SMARCD3: variants seen among roughly 807,000 people sequenced by gnomAD.
The protein encoded by SMARCD3 is SWI/SNF-related matrix-associated actin-dependent regulator of chromatin subfamily D member 3.
A neutral mutation model predicts 58.0 loss-of-function variants in SMARCD3; 14 were observed. The ratio of observed to expected loss-of-function variants is 0.24; its 90% confidence interval spans 0.16 to 0.38. The LOEUF is 0.38. SMARCD3 is among the 10% of genes least tolerant of loss of function. SMARCD3 has a pLI of 1.00. For synonymous variants in SMARCD3, 253 were observed against 253.8 expected (o/e 1.00, Z 0.03); for missense variants, 408 against 636.9 (o/e 0.64, Z 3.87).
In SMARCD3 at chr7:151,239,229, A is replaced by G; in HGVS notation, c.1399-73T>C. 6.6e-7 allele frequency: 1 copy of G among 1,515,500 alleles called. No individual in the cohort carries two copies. Among genetic ancestry groups the G allele is most frequent in the Admixed American group, 1.7e-5 (1 of 59,824 alleles). 93.9% of individuals were successfully genotyped at this position (1,515,500 alleles called of 1,614,324 possible). A position where few individuals can be genotyped will look rare whatever the true frequency, so the allele number is the denominator to read the frequency against. ...GATCAGGACAATCCCACCTACTGAC[A>G]CCGCCTGCCCTGAAAGAGCATCTGG... is the stretch of plus-strand genomic sequence containing the variant. On this transcript the variant is annotated intron_variant, in intron 12 of 12. Transcript: ENST00000262188. The surrounding 1 kb of genome is among the most constrained non-coding windows in gnomAD (Gnocchi z 7.0).
Position 151,243,619 on chromosome 7 carries a change from G to C in SMARCD3, c.333+40C>G, listed in dbSNP as rs750320116. On this transcript the variant is annotated intron_variant, in intron 3 of 12. Transcript: ENST00000262188. The surrounding 1 kb of genome is among the most constrained non-coding windows in gnomAD (Gnocchi z 4.4). Reference sequence around the variant, plus strand: ...GGGAGGGGAGGGCGGAGCAGCAAAGGGTGGGGGGTGGGCTGGGGGCTGCTG... The same window carrying C: ...GGGAGGGGAGGGCGGAGCAGCAAAGCGTGGGGGGTGGGCTGGGGGCTGCTG... 1.8e-6 allele frequency: 2 copies of C among 1,127,910 alleles called. No individual in the cohort carries two copies. Among genetic ancestry groups the C allele is most frequent in the South Asian group, 2.5e-5 (2 of 81,388 alleles). 69.9% of individuals were successfully genotyped at this position (1,127,910 alleles called of 1,614,324 possible).
rs1441866562 is a variant in SMARCD3 at position 151,248,398 on chromosome 7, G to A, written c.78+87C>T. 2.6e-6 allele frequency: 3 copies of A among 1,161,922 alleles called. No homozygotes were observed. Among genetic ancestry groups the A allele is most frequent in the African/African-American group, 1.5e-5 (1 of 65,712 alleles). 72.0% of individuals were successfully genotyped at this position (1,161,922 alleles called of 1,614,324 possible). ...CCCCACTAGAGGGGTGGGAGAGCGG[G>A]AGCGCCCTCCCGGCCCCTCCCGATC... On this transcript the variant is annotated intron_variant, in intron 1 of 12. Transcript: ENST00000262188. This position sits in a 1 kb window ranked among gnomAD's most constrained non-coding sequence, Gnocchi z 6.1.
chr7:151,253,301 T>G (rs1371004558), upstream of SMARCD3, among the ~76,000 whole-genome samples: 1 of 151,880 alleles, frequency 6.6e-6, no homozygotes, highest in Non-Finnish European at 1.5e-5. Flanking sequence ...TCCCACTCAC[T>G]CCCTCCGTCC....
At chr7:151,273,594 C>G (rs1795245235) in intron 2 of SMARCD3, among the ~76,000 whole-genome samples, 1 of 152,190 alleles carries the variant, frequency 6.6e-6, no homozygotes, top group Admixed American at 6.5e-5. Flanking sequence ...AAACACCAAC[C>G]ACCACAAACT....
At chr7:151,260,457 C>CTT (rs757420793) in intron 2 of SMARCD3, among the ~76,000 whole-genome samples, 11 of 152,112 alleles carry the variant, frequency 7.2e-5, no homozygotes, top group African/African-American at 1.7e-4. Flanking sequence ...AGAAGGTTCC[C>CTT]TTTGTTACTG....
chr7:151,265,252 C>T (rs920324117), intron 2 of SMARCD3, among the ~76,000 whole-genome samples: 1 of 152,096 alleles, frequency 6.6e-6, no homozygotes, highest in African/African-American at 2.4e-5. Context: ...GACTGGTGTC[C>T]TTACAAGAAA....
At position 151,241,507 on chromosome 7, in the gene SMARCD3, G is replaced by C; in HGVS notation, c.924C>G (p.Asp308Glu). ...DSHDKEYING[D>E]KYFQQIFDCP... ...GAGAGGTTACCTGCTGGAAATACTT[G>C]TCCCCATTGATGTATTCCTTGTCAT... Residue 308 changes from aspartate to glutamate, a missense_variant, in exon 8 of 13, where the codon GAC becomes GAG. This residue lies in a region of SMARCD3 where 115 missense variants were observed against 257.2 expected (regional missense o/e 0.45). Coordinates refer to ENST00000262188, the MANE Select transcript of SMARCD3 (RefSeq NM_001003801.2). The surrounding 1 kb of genome is among the most constrained non-coding windows in gnomAD (Gnocchi z 5.3). 6.2e-7 allele frequency: 1 copy of C among 1,612,324 alleles called. No homozygotes were observed. The highest frequency in any genetic ancestry group is 1.1e-5 in the South Asian group (1 of 90,532).
chr7:151,265,776 A>G (rs887617458), intron 2 of SMARCD3, among the ~76,000 whole-genome samples: 1 of 152,186 alleles, frequency 6.6e-6, no homozygotes, highest in African/African-American at 2.4e-5. Flanking sequence ...GTGGGTATTT[A>G]TCATCTTACC....
At position 151,238,885 on chromosome 7, in the gene SMARCD3, C is replaced by T. The variant is rs1005453681; in HGVS notation, c.*218G>A. ...AATCCAAGGGAAGGGAATGGGGAGT[C>T]GTCCCGAGGGACCCACTGCCTCCCC... On this transcript the variant is annotated 3_prime_UTR_variant, in exon 13 of 13. Coordinates refer to ENST00000262188, the MANE Select transcript of SMARCD3 (RefSeq NM_001003801.2). 3 of 1,285,404 alleles carry T rather than the reference C, an allele frequency of 2.3e-6. No individual in the cohort carries two copies. The highest frequency in any genetic ancestry group is 2.2e-6 in the Non-Finnish European group (2 of 928,702). 79.6% of individuals were successfully genotyped at this position (1,285,404 alleles called of 1,614,324 possible).
chr7:151,248,852 G>C (rs981949466), upstream of SMARCD3: 10 of 219,570 alleles, frequency 4.6e-5, no homozygotes, highest in Non-Finnish European at 7.9e-5. This position sits in a 1 kb window ranked among gnomAD's most constrained non-coding sequence, Gnocchi z 6.1. Context: ...CGGCGGGGAC[G>C]GGGCCGCCTG....
rs1803377558 is a variant in SMARCD3 at position 151,248,379 on chromosome 7, T to C, written c.78+106A>G. On this transcript the variant is annotated intron_variant, in intron 1 of 12. Transcript: ENST00000262188. The surrounding 1 kb of genome is among the most constrained non-coding windows in gnomAD (Gnocchi z 6.1). ...GGCCGTGGGCCATGACGCCCCCCACTAGAGGGGTGGGAGAGCGGGAGCGCC... is the reference window on the plus strand; with the variant it reads ...GGCCGTGGGCCATGACGCCCCCCACCAGAGGGGTGGGAGAGCGGGAGCGCC... The C allele has an allele frequency of 1.0e-6, 1 of 980,148 alleles. No homozygotes were observed. The allele number at this position is 980,148 out of a possible 1,614,324, so 60.7% of individuals were successfully genotyped here. A position where few individuals can be genotyped will look rare whatever the true frequency, so the allele number is the denominator to read the frequency against.
intron 2 of SMARCD3, among the ~76,000 whole-genome samples, chr7:151,270,083 T>C (rs1795129194): frequency 6.6e-6 from 1 of 152,090 alleles, no homozygotes; most frequent in Non-Finnish European, 1.5e-5. Context: ...CTCCAAATGT[T>C]GAAAGGTGGT....
chr7:151,263,789 G>A (rs1231957824), intron 2 of SMARCD3, among the ~76,000 whole-genome samples: 1 of 152,130 alleles, frequency 6.6e-6, no homozygotes, highest in African/African-American at 2.4e-5. Flanking sequence ...CTACGGCATG[G>A]CCAGAGTGAT....
intron 2 of SMARCD3, among the ~76,000 whole-genome samples, chr7:151,255,463 C>T (rs150649711): frequency 3.9e-5 from 6 of 152,240 alleles, no homozygotes; most frequent in Admixed American, 2.6e-4. Flanking sequence ...TTCCTTTGTG[C>T]GGATTCTGGC....
Position 151,243,619 on chromosome 7 carries a change from G to A in SMARCD3, c.333+40C>T, listed in dbSNP as rs750320116. ...GGGAGGGGAGGGCGGAGCAGCAAAG[G>A]GTGGGGGGTGGGCTGGGGGCTGCTG... On this transcript the variant is annotated intron_variant, in intron 3 of 12. Coordinates refer to ENST00000262188, the MANE Select transcript of SMARCD3 (RefSeq NM_001003801.2). This position sits in a 1 kb window ranked among gnomAD's most constrained non-coding sequence, Gnocchi z 4.4. 8.9e-7 allele frequency: 1 copy of A among 1,127,910 alleles called. No homozygotes were observed. The highest frequency in any genetic ancestry group is 1.2e-5 in the South Asian group (1 of 81,388). The allele number at this position is 1,127,910 out of a possible 1,614,324, so 69.9% of individuals were successfully genotyped here.
rs78729555 is a variant in SMARCD3, at chr7:151,239,510, G to T, written c.1297-13C>A. On this transcript the variant is annotated splice_polypyrimidine_tract_variant and intron_variant, in intron 11 of 12. Coordinates refer to ENST00000262188, the MANE Select transcript of SMARCD3 (RefSeq NM_001003801.2). This position sits in a 1 kb window ranked among gnomAD's most constrained non-coding sequence, Gnocchi z 7.0. ...CATCTGTCATCACCTGGGAGGGAGCGTGGGGTGAGCCCTGAGCCCTGAATC... is the reference window on the plus strand; with the variant it reads ...CATCTGTCATCACCTGGGAGGGAGCTTGGGGTGAGCCCTGAGCCCTGAATC... 37,824 of 1,611,674 alleles carry T rather than the reference G, an allele frequency of 0.023. 587 individuals are homozygous for T. Among genetic ancestry groups the T allele is most frequent in the Non-Finnish European group, 0.028 (33,100 of 1,178,130 alleles).
intron 2 of SMARCD3, among the ~76,000 whole-genome samples, chr7:151,261,320 C>G (rs533851015): frequency 9.2e-4 from 140 of 152,312 alleles, no homozygotes; most frequent in African/African-American, 2.9e-3. Flanking sequence ...GTGTGGCAAA[C>G]AAAGTATCTC....
Position 151,242,000 on chromosome 7 carries a change from T to C in SMARCD3, c.676-22A>G. 1 of 1,602,732 alleles carries C rather than the reference T, an allele frequency of 6.2e-7. No homozygotes were observed. Among genetic ancestry groups the C allele is most frequent in the Non-Finnish European group, 8.5e-7 (1 of 1,171,822 alleles). On this transcript the variant is annotated intron_variant, in intron 6 of 12. Coordinates refer to ENST00000262188, the MANE Select transcript of SMARCD3 (RefSeq NM_001003801.2). The surrounding 1 kb of genome is among the most constrained non-coding windows in gnomAD (Gnocchi z 5.3). ...GCCACTGTCCAGGAGAGAAGAGCTG[T>C]GTCTCCCAAAGGCCCATCTGGAGTG...
chr7:151,245,619 C>G lies in SMARCD3; in HGVS notation c.131G>C (p.Gly44Ala). 2 of 1,182,838 alleles carry G rather than the reference C, an allele frequency of 1.7e-6. No homozygotes were observed. Among genetic ancestry groups the G allele is most frequent in the Admixed American group, 4.2e-5 (1 of 23,544 alleles). 73.3% of individuals were successfully genotyped at this position (1,182,838 alleles called of 1,614,324 possible). Residue 44 changes from glycine (G) to alanine (A), a missense_variant, in exon 2 of 13, where the codon GGC becomes GCC. Transcript: ENST00000262188. The surrounding 1 kb of genome is among the most constrained non-coding windows in gnomAD (Gnocchi z 6.2). Reference sequence around the variant, plus strand: ...GCCCATGTACGGGGAGCCCGGGGGGCCCATGGGCGCCCCCTGGTGGGGCAT... The same window carrying G: ...GCCCATGTACGGGGAGCCCGGGGGGGCCATGGGCGCCCCCTGGTGGGGCAT... ...ARMPHQGAPMGPPGSPYMGSP... is the reference protein window; with the variant it reads ...ARMPHQGAPMAPPGSPYMGSP...
Sources: gnomAD v4.1 joint callset for allele counts (sites outside exome capture counted in the v4.1 genomes callset) on GRCh38, gnomAD v4.1.1 for gene constraint, gnomAD v4.1.1 regional missense constraint, Gnocchi (gnomAD v3.1) non-coding constraint, MANE v1.5 for transcripts, NCBI Gene and HGNC (gene_info 2026-07-23, HGNC 2026-07-21) for gene names.